RREB1: variants seen among roughly 807,000 people sequenced by gnomAD.
RREB1 encodes ras-responsive element-binding protein 1.
A neutral mutation model predicts 117.8 loss-of-function variants in RREB1; 27 were observed. The observed-to-expected ratio is 0.23, with a 90% CI of 0.17 to 0.32. RREB1 has a LOEUF of 0.32. Ranked by LOEUF, RREB1 falls within the 10% of genes least tolerant of loss-of-function variation. The probability of loss-of-function intolerance (pLI) is 1.00; values close to 1 mark genes in which losing one functional copy is unlikely to be tolerated. For synonymous variants in RREB1, 1,298 were observed against 1,026.7 expected, an observed-to-expected ratio of 1.26 and a Z score of -5.05; for missense variants, 2,577 against 2,378.2, an observed-to-expected ratio of 1.08 and a Z score of -1.74.
intron 1 of RREB1, among the ~76,000 whole-genome samples, chr6:7,126,959 C>G (rs1364142345): frequency 2.0e-5 from 3 of 152,150 alleles, no homozygotes; most frequent in African/African-American, 4.8e-5. Context: ...AAGTGATGCT[C>G]TCAAATGTGC....
At position 7,230,511 on chromosome 6, in the gene RREB1, C is replaced by T. The variant is rs1298774920; in HGVS notation, c.2412C>T (p.Asn804=). 1.9e-6 allele frequency: 3 copies of T among 1,594,206 alleles called. No homozygotes were observed. The highest frequency in any genetic ancestry group is 1.7e-6 in the Non-Finnish European group (2 of 1,176,318). The change falls in exon 10 of 13, where the codon AAC becomes AAT. Residue 804 remains asparagine (N), a synonymous_variant. Transcript: ENST00000379938. ...GCGCCGCGTTCGCGGCCAAGCGCAA[C>T]TGCATCCACCACATCCTCAAGCAGC... ...ECSAAFAAKR[N]CIHHILKQHL... is the part of the protein sequence containing the mutation.
chr6:7,216,291 G>A (rs1444820358), intron 8 of RREB1: 1 of 152,306 alleles, frequency 6.6e-6, no homozygotes, highest in East Asian at 1.9e-4. Context: ...AGAGGGATCT[G>A]GTGGATGCAA....
intron 1 of RREB1, among the ~76,000 whole-genome samples, chr6:7,139,787 T>A (rs1332298321): frequency 6.6e-6 from 1 of 152,240 alleles, no homozygotes; most frequent in Non-Finnish European, 1.5e-5. Flanking sequence ...ATTGACTCCA[T>A]TAGACTTTGG....
At position 7,230,543 on chromosome 6, in the gene RREB1, A is replaced by G. The variant is rs1180041256; in HGVS notation, c.2444A>G (p.His815Arg). 6.3e-7 allele frequency: 1 copy of G among 1,597,980 alleles called. No homozygotes were observed. The change falls in exon 10 of 13, where the codon CAC becomes CGC. Residue 815 changes from histidine to arginine, a missense_variant. Coordinates refer to ENST00000379938, the MANE Select transcript of RREB1 (RefSeq NM_001003699.4). The stretch of plus-strand genomic sequence containing the variant: ...CACCACATCCTCAAGCAGCACCTGC[A>G]CGTGCCCGAGCAGGACATCGAGAGC... ...CIHHILKQHL[H>R]VPEQDIESYV...
Position 7,207,622 on chromosome 6 carries a change from A to G in RREB1, c.426-3182A>G, listed in dbSNP as rs79726940. Among the ~76,000 whole-genome samples, 865 of 152,324 alleles carry G rather than the reference A, an allele frequency of 5.7e-3. 9 individuals carry two copies. Among genetic ancestry groups the G allele is most frequent in the African/African-American group, 0.02 (826 of 41,560 alleles). ...CCAGCCATGTGCCCTGAGCTGTCAG[A>G]TCACATCCAGACTGGAGTTTGCATC... On this transcript the variant is annotated intron_variant, in intron 6 of 12. Coordinates refer to ENST00000379938, the MANE Select transcript of RREB1 (RefSeq NM_001003699.4).
intron 11 of RREB1, among the ~76,000 whole-genome samples, chr6:7,244,933 G>C (rs1361429872): frequency 6.6e-6 from 1 of 152,192 alleles, no homozygotes; most frequent in African/African-American, 2.4e-5. Context: ...TGACATTGTA[G>C]TTACACCTGA....
intron 1 of RREB1, among the ~76,000 whole-genome samples, chr6:7,165,476 G>A (rs1230092944): frequency 6.6e-6 from 1 of 152,210 alleles, no homozygotes; most frequent in African/African-American, 2.4e-5. Flanking sequence ...ATTCTGAGAA[G>A]CAGGACTTGG....
chr6:7,155,077 G>A (rs1019714254), intron 1 of RREB1, among the ~76,000 whole-genome samples: 1 of 152,140 alleles, frequency 6.6e-6, no homozygotes, highest in South Asian at 2.1e-4. Context: ...TTTCTCAGAG[G>A]GAGATAGTTC....
chr6:7,172,907 T>G (rs982093692), intron 1 of RREB1, among the ~76,000 whole-genome samples: 4 of 152,188 alleles, frequency 2.6e-5, no homozygotes, highest in African/African-American at 7.2e-5. Flanking sequence ...CCTGGTTTGA[T>G]TCTGTCCCCA....
At position 7,248,799 on chromosome 6, in the gene RREB1, GGGA is replaced by G; in HGVS notation, c.5065_5067del (p.Glu1689del). ...AGTGCCACCAAGGACTGCAGCCACA[GGGA>G]GGAGAAGGTCACGGCAGGGTGGCCG... is the stretch of plus-strand genomic sequence containing the variant. On this transcript the variant is annotated inframe_deletion, in exon 13 of 13. Coordinates refer to ENST00000379938, the MANE Select transcript of RREB1 (RefSeq NM_001003699.4). The G allele has an allele frequency of 1.2e-6, 2 of 1,613,966 alleles. No homozygotes were observed. Among genetic ancestry groups the G allele is most frequent in the South Asian group, 2.2e-5 (2 of 91,084 alleles).
intron 1 of RREB1, among the ~76,000 whole-genome samples, chr6:7,146,177 A>G (rs370112421): frequency 6.6e-6 from 1 of 151,972 alleles, no homozygotes. Context: ...TGAATAAAAC[A>G]CTTTGTGGAG....
intron 6 of RREB1, among the ~76,000 whole-genome samples, chr6:7,207,391 A>C (rs1332300270): frequency 6.6e-6 from 1 of 152,202 alleles, no homozygotes; most frequent in Non-Finnish European, 1.5e-5. Flanking sequence ...CATATTGTTA[A>C]TGTAAGACTT....
chr6:7,246,745 G>T lies in RREB1; in HGVS notation c.4295G>T (p.Gly1432Val). 1 of 1,572,710 alleles carries T rather than the reference G, an allele frequency of 6.4e-7. No individual in the cohort carries two copies. The highest frequency in any genetic ancestry group is 8.6e-7 in the Non-Finnish European group (1 of 1,159,700). ...TKLMDFKLAE[G>V]DGEAGAGGAA... ...CTCATGGACTTCAAGCTGGCGGAGG[G>T]CGACGGCGAGGCAGGCGCCGGGGGC... The change falls in exon 12 of 13, where the codon GGC becomes GTC. Residue 1432 changes from glycine to valine, a missense_variant. Transcript: ENST00000379938.
intron 1 of RREB1, among the ~76,000 whole-genome samples, chr6:7,163,635 C>A (rs1222128604): frequency 4.6e-5 from 7 of 152,140 alleles, no homozygotes; most frequent in African/African-American, 1.7e-4. Context: ...ACCTCATGAT[C>A]TGCCCGCCTC....
intron 6 of RREB1, among the ~76,000 whole-genome samples, chr6:7,206,712 G>A (rs1217584842): frequency 6.6e-6 from 1 of 152,204 alleles, no homozygotes; most frequent in Non-Finnish European, 1.5e-5. Flanking sequence ...GCACAAGTAG[G>A]GTGTGGGGCC....
At chr6:7,148,403 A>G (rs1581451329) in intron 1 of RREB1, among the ~76,000 whole-genome samples, 1 of 152,146 alleles carries the variant, frequency 6.6e-6, no homozygotes, top group Non-Finnish European at 1.5e-5. Context: ...CATTGGGGGA[A>G]TTTCACAGAC....
At chr6:7,176,002 C>G (rs1176149430) in intron 1 of RREB1, among the ~76,000 whole-genome samples, 1 of 152,206 alleles carries the variant, frequency 6.6e-6, no homozygotes, top group African/African-American at 2.4e-5. Flanking sequence ...ACTGAAACCT[C>G]TGCCTCCTGG....
rs1768641687 is a variant in RREB1 at position 7,240,545 on chromosome 6, A to G, written c.3916A>G (p.Arg1306Gly). ...CGGAGTTACCACCTGTTCCCTGAGA[A>G]GAAACGGGCTTATCCCCCAGTCAAA... Reference protein sequence around the residue: ...KHGVTTCSLRRNGLIPQSKES... With the variant: ...KHGVTTCSLRGNGLIPQSKES... The change falls in exon 11 of 13, where the codon AGA becomes GGA. Residue 1306 changes from arginine (R) to glycine (G), a missense_variant. Transcript: ENST00000379938. 6.2e-7 allele frequency: 1 copy of G among 1,614,014 alleles called. No homozygotes were observed.
intron 1 of RREB1, among the ~76,000 whole-genome samples, chr6:7,134,512 C>T (rs1581430004): frequency 6.6e-6 from 1 of 152,164 alleles, no homozygotes; most frequent in African/African-American, 2.4e-5. Context: ...ATGTAAGATA[C>T]TCTTTTAATG....
Sources: gnomAD v4.1 joint callset for allele counts (sites outside exome capture counted in the v4.1 genomes callset) on GRCh38, gnomAD v4.1.1 for gene constraint, MANE v1.5 for transcripts, NCBI Gene and HGNC (gene_info 2026-07-23, HGNC 2026-07-21) for gene names.